The following FAM210A variants were observed in gnomAD, a reference collection of about 807,000 sequenced individuals.
FAM210A encodes the protein family with sequence similarity 210 member A.
In FAM210A, 13 loss-of-function variants were observed where a neutral mutation model predicts 25.3. The observed-to-expected ratio is 0.51, with a 90% CI of 0.33 to 0.82. The LOEUF (loss-of-function observed/expected upper bound fraction) is 0.82. Ranked by LOEUF, FAM210A falls within the 40% of genes least tolerant of loss-of-function variation. The pLI is 0.02. For missense variants in FAM210A, 319 were observed against 323.2 expected, an observed-to-expected ratio of 0.99 and a Z score of 0.10; for synonymous variants, 125 against 118.7, an observed-to-expected ratio of 1.05 and a Z score of -0.35.
intron 1 of FAM210A, among the ~76,000 whole-genome samples, chr18:13,690,631 C>A (rs1015807658): frequency 3.3e-5 from 5 of 152,188 alleles, no homozygotes; most frequent in African/African-American, 1.2e-4. Flanking sequence ...CTGGTGATAC[C>A]CAGGCAAATA....
chr18:13,695,753 C>A (rs1032669832), intron 1 of FAM210A, among the ~76,000 whole-genome samples: 1 of 151,818 alleles, frequency 6.6e-6, no homozygotes, highest in African/African-American at 2.4e-5. Flanking sequence ...AGGAGATATA[C>A]CTAATGTAAA....
chr18:13,699,935 TA>T (rs1363437457), intron 1 of FAM210A, among the ~76,000 whole-genome samples: 4 of 152,152 alleles, frequency 2.6e-5, no homozygotes, highest in Non-Finnish European at 4.4e-5. Context: ...ACACTATGGG[TA>T]AAAAAACTCT....
chr18:13,693,541 C>A (rs2043667502), intron 1 of FAM210A, among the ~76,000 whole-genome samples: 1 of 152,206 alleles, frequency 6.6e-6, no homozygotes, highest in East Asian at 1.9e-4. Flanking sequence ...AAAAGCTCAT[C>A]CACCAGGATC....
chr18:13,688,948 T>C (rs1219265310), intron 1 of FAM210A, among the ~76,000 whole-genome samples: 1 of 152,224 alleles, frequency 6.6e-6, no homozygotes, highest in Non-Finnish European at 1.5e-5. Flanking sequence ...GGCACCAAAG[T>C]GGCTGGCCAG....
chr18:13,673,242 C>T (rs2043458551), intron 2 of FAM210A, among the ~76,000 whole-genome samples: 1 of 152,024 alleles, frequency 6.6e-6, no homozygotes, highest in Non-Finnish European at 1.5e-5. Flanking sequence ...CATTCCTGAG[C>T]CCCGACTTCA....
intron 3 of FAM210A, among the ~76,000 whole-genome samples, chr18:13,669,948 A>G (rs760554709): frequency 1.8e-4 from 28 of 152,218 alleles, no homozygotes; most frequent in Non-Finnish European, 3.4e-4. Context: ...TGGGGGTTAC[A>G]GATAATACAA....
intron 1 of FAM210A, among the ~76,000 whole-genome samples, chr18:13,687,249 A>G (rs950110192): frequency 7.9e-5 from 12 of 152,308 alleles, no homozygotes; most frequent in Admixed American, 6.5e-4. Context: ...GCCTGTTACC[A>G]GTAGTTAGAC....
intron 1 of FAM210A, among the ~76,000 whole-genome samples, chr18:13,719,100 T>A (rs1164229478): frequency 2.0e-5 from 3 of 152,248 alleles, no homozygotes; most frequent in Non-Finnish European, 4.4e-5. Flanking sequence ...TTTTATAAAG[T>A]GTGCCACACA....
chr18:13,684,918 C>CA (rs763155676), intron 1 of FAM210A, among the ~76,000 whole-genome samples: 1 of 152,134 alleles, frequency 6.6e-6, no homozygotes, highest in African/African-American at 2.4e-5. Flanking sequence ...GAACTCCCCC[C>CA]ACTCCCAATT....
intron 3 of FAM210A, among the ~76,000 whole-genome samples, chr18:13,667,981 C>T (rs1268021204): frequency 6.6e-6 from 1 of 152,114 alleles, no homozygotes; most frequent in Non-Finnish European, 1.5e-5. Context: ...GAGGACTGCT[C>T]GAGTCTAGGA....
chr18:13,673,848 A>T (rs866693979), intron 2 of FAM210A, among the ~76,000 whole-genome samples: 11 of 124,448 alleles, frequency 8.8e-5, no homozygotes, highest in East Asian at 5.4e-4. Flanking sequence ...CTGATTATTA[A>T]CATTCCTGAG....
intron 1 of FAM210A, among the ~76,000 whole-genome samples, chr18:13,701,392 T>A (rs2043738440): frequency 6.6e-6 from 1 of 152,210 alleles, no homozygotes; most frequent in African/African-American, 2.4e-5. Flanking sequence ...GCCTCTTACA[T>A]CTGACTGGGT....
intron 1 of FAM210A, among the ~76,000 whole-genome samples, chr18:13,697,337 C>T (rs533570875): frequency 7.2e-5 from 11 of 152,128 alleles, no homozygotes; most frequent in African/African-American, 2.2e-4. Context: ...TGTTCAATGC[C>T]GCATCATTAG....
At chr18:13,676,879 T>C (rs1031301750) in intron 2 of FAM210A, among the ~76,000 whole-genome samples, 1 of 152,100 alleles carries the variant, frequency 6.6e-6, no homozygotes, top group Non-Finnish European at 1.5e-5. Context: ...ATGGACACTG[T>C]CCACCTCAGC....
intron 1 of FAM210A, among the ~76,000 whole-genome samples, chr18:13,684,184 G>A (rs2043577190): frequency 2.0e-5 from 3 of 152,184 alleles, no homozygotes; most frequent in African/African-American, 2.4e-5. Flanking sequence ...ATCACCTGGT[G>A]AGGAGTTCGA....
Position 13,726,485 on chromosome 18 carries a change from C to G in FAM210A, c.-185G>C, listed in dbSNP as rs564852864. 6.6e-6 allele frequency: 1 copy of G among 152,644 alleles called. No individual in the cohort carries two copies. The highest frequency in any genetic ancestry group is 2.4e-5 in the African/African-American group (1 of 41,460). 9.5% of individuals were successfully genotyped at this position (152,644 alleles called of 1,614,324 possible). On this transcript the variant is annotated 5_prime_UTR_variant, in exon 1 of 4. Coordinates refer to ENST00000651643, the MANE Select transcript of FAM210A (RefSeq NM_152352.4). Reference sequence around the variant, plus strand: ...GGCTCAGCCGGACGCTAGCCCCCTGCCGCCCCCGGCCCCGCCAGCCGCGCC... The same window carrying G: ...GGCTCAGCCGGACGCTAGCCCCCTGGCGCCCCCGGCCCCGCCAGCCGCGCC...
chr18:13,688,594 C>A (rs1787878), intron 1 of FAM210A, among the ~76,000 whole-genome samples: 9,149 of 152,306 alleles, frequency 0.06, 926 homozygotes, highest in African/African-American at 0.21. Flanking sequence ...CTCTTGGGCA[C>A]TGGACAAGAA....
Position 13,690,977 on chromosome 18 carries a change from G to A in FAM210A, c.-28-8872C>T, listed in dbSNP as rs533361911. Among the ~76,000 whole-genome samples the A allele has an allele frequency of 5.9e-5, 9 of 152,212 alleles. No homozygotes were observed. The East Asian group carries it at 7.7e-4, about 13-fold the overall frequency. ...TTCTCCAAGCTAAAGGAAGATGTTC[G>A]AACCCATCGCAAAGAAGCTAAAAAC... On this transcript the variant is annotated intron_variant, in intron 1 of 3. Coordinates refer to ENST00000651643, the MANE Select transcript of FAM210A (RefSeq NM_152352.4).
chr18:13,707,836 C>T (rs1242396008), intron 1 of FAM210A, among the ~76,000 whole-genome samples: 3 of 152,194 alleles, frequency 2.0e-5, no homozygotes, highest in South Asian at 2.1e-4. Flanking sequence ...AGGCAAACGC[C>T]GACCTGTAAC....
Sources: allele counts gnomAD v4.1 joint callset (sites outside exome capture counted in the v4.1 genomes callset), GRCh38; gene constraint gnomAD v4.1.1; transcripts MANE v1.5; gene names NCBI Gene and HGNC (gene_info 2026-07-23, HGNC 2026-07-21).